ANO3: variants seen among roughly 807,000 people sequenced by gnomAD.
ANO3 encodes anoctamin 3.
A neutral mutation model predicts 144.8 loss-of-function variants in ANO3; 99 were observed. That is an observed-to-expected ratio of 0.68 (90% confidence interval 0.58 to 0.81). The LOEUF (loss-of-function observed/expected upper bound fraction) is 0.81, where lower values mean the gene tolerates loss of function less well. Ranked by LOEUF, ANO3 falls within the 30% of genes least tolerant of loss-of-function variation. The pLI, the probability that ANO3 is intolerant of heterozygous loss-of-function variation, is 0.00. For missense variants in ANO3, 905 were observed against 1,202.2 expected (o/e 0.75, Z 3.66); for synonymous variants, 414 against 392.6 (o/e 1.05, Z -0.64).
chr11:26,404,588 T>C (rs925349156), intron 1 of ANO3, among the ~76,000 whole-genome samples: 1 of 151,854 alleles, frequency 6.6e-6, no homozygotes, highest in African/African-American at 2.4e-5. Context: ...ACAGTGCTAG[T>C]AGCAGTAATC....
intron 24 of ANO3, among the ~76,000 whole-genome samples, chr11:26,649,137 T>C (rs1375030532): frequency 6.6e-6 from 1 of 151,988 alleles, no homozygotes; most frequent in Non-Finnish European, 1.5e-5. Context: ...TAATTGAAAA[T>C]ACAGAAGAAT....
chr11:26,658,380 C>T (rs1853762840), intron 26 of ANO3, among the ~76,000 whole-genome samples: 1 of 151,632 alleles, frequency 6.6e-6, no homozygotes. Context: ...TTGGGAGGCC[C>T]AGGCAGGTGG....
chr11:26,379,514 G>T (rs1294765928), intron 1 of ANO3, among the ~76,000 whole-genome samples: 2 of 152,154 alleles, frequency 1.3e-5, no homozygotes, highest in Non-Finnish European at 2.9e-5. Context: ...GGGCACAGTG[G>T]CTCATGCCTG....
intron 1 of ANO3, among the ~76,000 whole-genome samples, chr11:26,190,122 G>A (rs563809762): frequency 1.2e-4 from 19 of 152,210 alleles, no homozygotes; most frequent in East Asian, 3.9e-4. Context: ...AAAATAAGGC[G>A]TTGTAATGGG....
At chr11:26,538,943 TA>T (rs1849576900) in intron 10 of ANO3, among the ~76,000 whole-genome samples, 1 of 152,104 alleles carries the variant, frequency 6.6e-6, no homozygotes, top group Non-Finnish European at 1.5e-5. Flanking sequence ...CTGATTTGAT[TA>T]AGGATAGTTC....
chr11:26,573,631 A>G (rs763398840), intron 14 of ANO3, among the ~76,000 whole-genome samples: 2 of 152,124 alleles, frequency 1.3e-5, no homozygotes, highest in Admixed American at 6.6e-5. Flanking sequence ...AGGCATAAAC[A>G]TTGCAATGCA....
intron 6 of ANO3, among the ~76,000 whole-genome samples, chr11:26,521,978 A>T (rs1248604966): frequency 6.6e-6 from 1 of 152,144 alleles, no homozygotes; most frequent in African/African-American, 2.4e-5. Flanking sequence ...AGGTCAGGAG[A>T]TGGAGACCAT....
At chr11:26,436,946 G>C (rs1219903864) in intron 1 of ANO3, among the ~76,000 whole-genome samples, 2 of 152,038 alleles carry the variant, frequency 1.3e-5, no homozygotes, top group African/African-American at 4.8e-5. Context: ...CCGGGGGACA[G>C]CTTCAGTCCC....
chr11:26,560,043 T>C (rs941995029), intron 14 of ANO3: 1 of 340,262 alleles, frequency 2.9e-6, no homozygotes, highest in African/African-American at 2.1e-5. Context: ...AGGAAGGTGG[T>C]AATTAAAAAC....
chr11:26,626,784 T>C (rs544876310), intron 18 of ANO3, among the ~76,000 whole-genome samples: 1 of 54,648 alleles, frequency 1.8e-5, no homozygotes, highest in African/African-American at 6.9e-5. Flanking sequence ...ATTCAATAGT[T>C]TTTTTTTTCT....
intron 17 of ANO3, among the ~76,000 whole-genome samples, chr11:26,617,471 T>A (rs960817593): frequency 6.6e-6 from 1 of 152,206 alleles, no homozygotes; most frequent in Non-Finnish European, 1.5e-5. Context: ...TATAGAAGAA[T>A]CTTTTGAGAG....
chr11:26,443,567 A>G (rs1565028005), intron 2 of ANO3, among the ~76,000 whole-genome samples, 198 bp from the exon 3 acceptor site: 2 of 152,128 alleles, frequency 1.3e-5, no homozygotes, highest in Non-Finnish European at 2.9e-5. Flanking sequence ...ATGCCATTGC[A>G]CTCCAGCCTG....
chr11:26,248,101 A>G (rs1044691585), intron 1 of ANO3, among the ~76,000 whole-genome samples: 22 of 151,998 alleles, frequency 1.4e-4, no homozygotes, highest in Admixed American at 9.2e-4. Flanking sequence ...GCATGTTGGG[A>G]GGCCCAGGCG....
intron 4 of ANO3, among the ~76,000 whole-genome samples, chr11:26,489,757 G>A (rs748854497): frequency 3.3e-5 from 5 of 152,136 alleles, no homozygotes; most frequent in Non-Finnish European, 7.4e-5. Context: ...CTGGATTTTT[G>A]ACTTGCATGG....
intron 1 of ANO3, among the ~76,000 whole-genome samples, chr11:26,277,862 A>T (rs7942458): frequency 0.23 from 35,368 of 151,826 alleles, 5,022 homozygotes; most frequent in African/African-American, 0.41. Flanking sequence ...GCCTGTGATC[A>T]AAAAAATACC....
intron 1 of ANO3, among the ~76,000 whole-genome samples, chr11:26,357,937 C>A (rs1312416902): frequency 6.6e-6 from 1 of 152,076 alleles, no homozygotes; most frequent in East Asian, 1.9e-4. Context: ...AACAGAATGT[C>A]CTTTTCTCCT....
chr11:26,570,690 G>A (rs1850788828), intron 14 of ANO3, among the ~76,000 whole-genome samples: 1 of 152,002 alleles, frequency 6.6e-6, no homozygotes, highest in South Asian at 2.1e-4. Flanking sequence ...ACAGATGTTA[G>A]GCTACAAATT....
intron 1 of ANO3, among the ~76,000 whole-genome samples, chr11:26,197,504 A>G (rs1851613162): frequency 1.3e-5 from 2 of 151,980 alleles, no homozygotes; most frequent in African/African-American, 4.8e-5. Flanking sequence ...GCATGCCACC[A>G]TGCCTGGCTA....
At chr11:26,362,773 T>C (rs1467703219) in intron 1 of ANO3, among the ~76,000 whole-genome samples, 1 of 152,232 alleles carries the variant, frequency 6.6e-6, no homozygotes, top group Non-Finnish European at 1.5e-5. Context: ...AATTAACTTG[T>C]ATAATTTTGC....
Sources: allele counts gnomAD v4.1 joint callset (sites outside exome capture counted in the v4.1 genomes callset), GRCh38; gene constraint gnomAD v4.1.1; transcripts MANE v1.5; gene names NCBI Gene and HGNC (gene_info 2026-07-23, HGNC 2026-07-21).